SHC4: variants seen among roughly 807,000 people sequenced by gnomAD.
SHC4 encodes SHC adaptor protein 4.
In SHC4, 41 loss-of-function variants were observed where a neutral mutation model predicts 69.4. That is an observed-to-expected ratio of 0.59 (90% CI 0.46 to 0.77). The LOEUF is 0.77. SHC4 is among the 30% of genes least tolerant of loss of function. SHC4 has a pLI of 0.00. For missense variants in SHC4, 777 were observed against 783.8 expected (o/e 0.99, Z 0.10); for synonymous variants, 318 against 299.3 (o/e 1.06, Z -0.64).
At chr15:48,900,799 G>C (rs1900307575) in intron 2 of SHC4, among the ~76,000 whole-genome samples, 1 of 152,178 alleles carries the variant, frequency 6.6e-6, no homozygotes, top group African/African-American at 2.4e-5. Flanking sequence ...CAGCTCCAGA[G>C]ATTCTGAATT....
intron 11 of SHC4, among the ~76,000 whole-genome samples, chr15:48,827,708 G>A (rs1012743237): frequency 6.6e-5 from 10 of 152,254 alleles, no homozygotes; most frequent in African/African-American, 1.4e-4. Flanking sequence ...TGAATGCCCC[G>A]TATGCTTTAG....
chr15:48,886,621 C>G (rs776858030), intron 3 of SHC4, among the ~76,000 whole-genome samples: 3 of 152,168 alleles, frequency 2.0e-5, no homozygotes, highest in Non-Finnish European at 4.4e-5. Flanking sequence ...AGGATTAATA[C>G]TACTATCACT....
chr15:48,931,640 T>C (rs1900967159), intron 1 of SHC4, among the ~76,000 whole-genome samples: 1 of 152,108 alleles, frequency 6.6e-6, no homozygotes, highest in African/African-American at 2.4e-5. Context: ...TATCCAAGTT[T>C]AGGCACATTC....
intron 1 of SHC4, among the ~76,000 whole-genome samples, chr15:48,926,271 G>T (rs1220954889): frequency 6.6e-6 from 1 of 152,082 alleles, no homozygotes; most frequent in Admixed American, 6.5e-5. Context: ...CCTTAGAAAT[G>T]TTACTAGAGC....
At chr15:48,915,372 G>T (rs62010884) in intron 2 of SHC4, among the ~76,000 whole-genome samples, 1 of 152,126 alleles carries the variant, frequency 6.6e-6, no homozygotes, top group East Asian at 1.9e-4. Context: ...ATCTTTGAAG[G>T]CTTCTAAAAG....
chr15:48,874,575 C>G (rs565559498), intron 4 of SHC4, among the ~76,000 whole-genome samples: 1 of 152,208 alleles, frequency 6.6e-6, no homozygotes, highest in Non-Finnish European at 1.5e-5. Flanking sequence ...TACGAGGGAT[C>G]TAGGTTGCAT....
intron 2 of SHC4, among the ~76,000 whole-genome samples, chr15:48,891,351 T>G (rs192746949): frequency 7.2e-5 from 11 of 152,360 alleles, no homozygotes; most frequent in African/African-American, 2.2e-4. Flanking sequence ...TGAGCTTTCA[T>G]GTAATTTCAC....
chr15:48,959,917 G>A (rs1366466913), intron 1 of SHC4, among the ~76,000 whole-genome samples: 2 of 152,186 alleles, frequency 1.3e-5, no homozygotes, highest in Non-Finnish European at 2.9e-5. Context: ...CATCTGTGTG[G>A]CCTTTGAAAA....
chr15:48,893,704 G>A (rs1900173222), intron 2 of SHC4, among the ~76,000 whole-genome samples: 1 of 152,218 alleles, frequency 6.6e-6, no homozygotes, highest in Admixed American at 6.5e-5. Flanking sequence ...AAAACCCAGT[G>A]TTGGAAAAGA....
At chr15:48,836,737 C>G (rs1349065221) in intron 10 of SHC4, among the ~76,000 whole-genome samples, 1 of 152,106 alleles carries the variant, frequency 6.6e-6, no homozygotes, top group African/African-American at 2.4e-5. Context: ...TGTAGGCAAC[C>G]AGTGTGCTGT....
intron 2 of SHC4, among the ~76,000 whole-genome samples, chr15:48,894,882 G>T (rs1900196004): frequency 6.6e-6 from 1 of 152,022 alleles, no homozygotes; most frequent in African/African-American, 2.4e-5. Context: ...ACCTCCTTGG[G>T]TTCAAGCAGT....
Position 48,835,984 on chromosome 15 carries a change from C to A in SHC4, c.1484-962G>T, listed in dbSNP as rs913895581. On this transcript the variant is annotated intron_variant, in intron 10 of 11. Transcript: ENST00000332408. ...CCTGAGCTCAGGAGTTCGAGACCAG[C>A]CTGGGAAACATGATGAAATCCTGTC... Among the ~76,000 whole-genome samples the A allele has an allele frequency of 2.1e-5, 3 of 143,448 alleles. No individual in the cohort carries two copies. In the Admixed American group the frequency reaches 2.2e-4, roughly 10 times the overall value. 94.1% of individuals were successfully genotyped at this position (143,448 alleles called of 152,430 possible).
intron 1 of SHC4, among the ~76,000 whole-genome samples, chr15:48,958,691 G>T (rs376013947): frequency 6.6e-6 from 1 of 152,182 alleles, no homozygotes; most frequent in Non-Finnish European, 1.5e-5. Flanking sequence ...ACACTGTCAC[G>T]TTGTAGATTT....
At chr15:48,842,140 G>T (rs1480594517) in intron 10 of SHC4, among the ~76,000 whole-genome samples, 2 of 152,052 alleles carry the variant, frequency 1.3e-5, no homozygotes, top group Non-Finnish European at 2.9e-5. Flanking sequence ...TTGATTATAG[G>T]CTTTTGGCTT....
At chr15:48,961,015 A>G (rs1266244023) in intron 1 of SHC4, among the ~76,000 whole-genome samples, 1 of 152,172 alleles carries the variant, frequency 6.6e-6, no homozygotes, top group Non-Finnish European at 1.5e-5. Flanking sequence ...ATTTGAAATG[A>G]TCTGCTTAAT....
chr15:48,963,168 G>A lies in SHC4; in HGVS notation c.-153C>T, dbSNP rs1010538463. ...CTCGAGCTCGCCCACCTCGGCTCCC[G>A]GCCCCTTAAGGGTGACAGCCCATGG... On this transcript the variant is annotated 5_prime_UTR_variant, in exon 1 of 12. Coordinates refer to ENST00000332408, the MANE Select transcript of SHC4 (RefSeq NM_203349.4). 4.0e-6 allele frequency: 3 copies of A among 746,286 alleles called. No individual in the cohort carries two copies. The highest frequency in any genetic ancestry group is 6.4e-6 in the Non-Finnish European group (3 of 471,348). 46.2% of individuals were successfully genotyped at this position (746,286 alleles called of 1,614,324 possible).
intron 4 of SHC4, chr15:48,877,596 C>A: frequency 1.0e-6 from 1 of 983,864 alleles, no homozygotes; most frequent in Non-Finnish European, 1.2e-6. Flanking sequence ...AAGATACCTC[C>A]CAGGCGAAAA....
At chr15:48,912,580 C>G (rs995116095) in intron 2 of SHC4, among the ~76,000 whole-genome samples, 2 of 152,146 alleles carry the variant, frequency 1.3e-5, no homozygotes, top group African/African-American at 4.8e-5. Context: ...ATCCTGAATT[C>G]TTTTTCAGGT....
intron 2 of SHC4, among the ~76,000 whole-genome samples, chr15:48,907,010 A>G (rs919265007): frequency 6.6e-6 from 1 of 152,194 alleles, no homozygotes; most frequent in Non-Finnish European, 1.5e-5. Flanking sequence ...TGCGATTAGA[A>G]AAACCATATA....
Sources: allele counts gnomAD v4.1 joint callset (sites outside exome capture counted in the v4.1 genomes callset), GRCh38; gene constraint gnomAD v4.1.1; transcripts MANE v1.5; gene names NCBI Gene and HGNC (gene_info 2026-07-23, HGNC 2026-07-21).